NALF1: variants seen among roughly 807,000 people sequenced by gnomAD.
The protein encoded by NALF1 is family with sequence similarity 155 member A.
A neutral mutation model predicts 48.4 loss-of-function variants in NALF1; 3 were observed. The observed-to-expected ratio is 0.06, with a 90% CI of 0.03 to 0.16. The LOEUF (loss-of-function observed/expected upper bound fraction) is 0.16. Ranked by LOEUF, NALF1 falls within the 10% of genes least tolerant of loss-of-function variation. The probability of loss-of-function intolerance (pLI) is 1.00; values close to 1 mark genes in which losing one functional copy is unlikely to be tolerated. For missense variants in NALF1, 526 were observed against 571.5 expected, an observed-to-expected ratio of 0.92 and a Z score of 0.81; for synonymous variants, 262 against 245.7, an observed-to-expected ratio of 1.07 and a Z score of -0.62.
At chr13:107,418,840 C>T (rs180930315) in intron 1 of NALF1, among the ~76,000 whole-genome samples, 1 of 152,162 alleles carries the variant, frequency 6.6e-6, no homozygotes, top group Non-Finnish European at 1.5e-5. Context: ...ACACAAATCA[C>T]TTACACGTAC....
chr13:107,573,649 C>T (rs999988690), intron 1 of NALF1, among the ~76,000 whole-genome samples: 1 of 152,018 alleles, frequency 6.6e-6, no homozygotes, highest in Non-Finnish European at 1.5e-5. Flanking sequence ...CAAAACTCAT[C>T]TTGAATTGTA....
chr13:107,819,580 T>C (rs920114460), intron 1 of NALF1, among the ~76,000 whole-genome samples: 4 of 152,150 alleles, frequency 2.6e-5, no homozygotes, highest in African/African-American at 4.8e-5. Flanking sequence ...TCACTTCCCA[T>C]TGGCCACGGA....
chr13:107,670,808 T>C (rs999629380), intron 1 of NALF1, among the ~76,000 whole-genome samples: 1 of 152,162 alleles, frequency 6.6e-6, no homozygotes, highest in Non-Finnish European at 1.5e-5. Context: ...CAAGGTCTCC[T>C]ATACTTGCTT....
At chr13:107,547,394 A>G (rs1399292732) in intron 1 of NALF1, among the ~76,000 whole-genome samples, 1 of 152,212 alleles carries the variant, frequency 6.6e-6, no homozygotes, top group African/African-American at 2.4e-5. Context: ...TTTGGAACTT[A>G]AGAGTCTATA....
intron 1 of NALF1, among the ~76,000 whole-genome samples, chr13:107,570,632 G>T (rs1566397842): frequency 6.7e-6 from 1 of 150,338 alleles, no homozygotes; most frequent in African/African-American, 2.4e-5. Context: ...ATAATGTGCA[G>T]GTTAGTTACA....
At chr13:107,368,320 CT>C (rs35618769) in intron 1 of NALF1, among the ~76,000 whole-genome samples, 101 of 145,864 alleles carry the variant, frequency 6.9e-4, no homozygotes, top group East Asian at 1.4e-3. Context: ...CACATAAATA[CT>C]TTTTTTTTTT....
intron 1 of NALF1, among the ~76,000 whole-genome samples, chr13:107,351,498 G>C (rs1224542186): frequency 6.6e-6 from 1 of 152,152 alleles, no homozygotes; most frequent in Non-Finnish European, 1.5e-5. Context: ...CAGTAATGCA[G>C]ATAAGATGCT....
rs2138608330 is a variant in NALF1 at position 107,812,886 on chromosome 13, T to C, written c.915+52796A>G. Among the ~76,000 whole-genome samples the C allele has an allele frequency of 1.3e-5, 2 of 152,142 alleles. 1 individual carries two copies. On this transcript the variant is annotated intron_variant, in intron 1 of 2. Transcript: ENST00000375915. ...TGTCATCTTGGCTCACTGCAACTTT[T>C]GCCTTCCTACAGGCATGCATCACCA... is the stretch of plus-strand genomic sequence containing the variant.
intron 1 of NALF1, among the ~76,000 whole-genome samples, chr13:107,717,341 C>A (rs1487182224): frequency 6.6e-6 from 1 of 152,138 alleles, no homozygotes; most frequent in Non-Finnish European, 1.5e-5. Flanking sequence ...ATGGACATAT[C>A]AGAAATGCAA....
intron 1 of NALF1, among the ~76,000 whole-genome samples, chr13:107,405,300 A>T (rs1406518452): frequency 1.3e-5 from 2 of 152,060 alleles, no homozygotes; most frequent in Admixed American, 1.3e-4. Flanking sequence ...TGAAGTAGAG[A>T]TTTCTGCAAA....
intron 1 of NALF1, among the ~76,000 whole-genome samples, chr13:107,474,459 A>G (rs1885147857): frequency 6.6e-6 from 1 of 152,188 alleles, no homozygotes; most frequent in South Asian, 2.1e-4. Context: ...TCTTTCTCAT[A>G]TTGATACTCG....
intron 1 of NALF1, among the ~76,000 whole-genome samples, chr13:107,471,700 CTGTTT>C (rs1885103705): frequency 2.0e-5 from 3 of 152,122 alleles, no homozygotes; most frequent in Non-Finnish European, 4.4e-5. Context: ...AGAAATGTTT[CTGTTT>C]TGCTATCTGA....
chr13:107,691,801 A>G (rs7139631), intron 1 of NALF1, among the ~76,000 whole-genome samples: 17,296 of 152,226 alleles, frequency 0.11, 1,395 homozygotes, highest in African/African-American at 0.22. Context: ...TAACAAAAAG[A>G]GTATGTCAAT....
At chr13:107,275,626 T>C (rs1408977872) in intron 1 of NALF1, among the ~76,000 whole-genome samples, 1 of 152,190 alleles carries the variant, frequency 6.6e-6, no homozygotes, top group Non-Finnish European at 1.5e-5. Flanking sequence ...CAGCTCAAAG[T>C]ATCTGATCTC....
At chr13:107,692,947 T>C (rs112994341) in intron 1 of NALF1, among the ~76,000 whole-genome samples, 38,042 of 151,990 alleles carry the variant, frequency 0.25, 5,062 homozygotes, top group African/African-American at 0.32. Context: ...TGAATAGTGC[T>C]GCAATAAACA....
chr13:107,345,578 T>C (rs1882756707), intron 1 of NALF1, among the ~76,000 whole-genome samples: 1 of 152,150 alleles, frequency 6.6e-6, no homozygotes, highest in African/African-American at 2.4e-5. Flanking sequence ...TTCAAAAAAT[T>C]GTACTGGGAA....
At chr13:107,343,135 C>T (rs975914822) in intron 1 of NALF1, among the ~76,000 whole-genome samples, 1 of 152,154 alleles carries the variant, frequency 6.6e-6, no homozygotes, top group African/African-American at 2.4e-5. Context: ...GGCTACAAAA[C>T]AAATCTTAAC....
intron 1 of NALF1, among the ~76,000 whole-genome samples, chr13:107,584,206 T>G (rs1335153311): frequency 6.6e-6 from 1 of 152,174 alleles, no homozygotes; most frequent in African/African-American, 2.4e-5. Context: ...ATTGGTCAAA[T>G]AATCATCTGT....
intron 2 of NALF1, among the ~76,000 whole-genome samples, chr13:107,204,691 C>T (rs1426197307): frequency 1.3e-5 from 2 of 152,094 alleles, no homozygotes; most frequent in African/African-American, 4.8e-5. Flanking sequence ...CTACATTTTA[C>T]TTGGTTTTAT....
Sources: gnomAD v4.1 joint callset for allele counts (sites outside exome capture counted in the v4.1 genomes callset) on GRCh38, gnomAD v4.1.1 for gene constraint, MANE v1.5 for transcripts, NCBI Gene and HGNC (gene_info 2026-07-23, HGNC 2026-07-21) for gene names.